Variants in NEURL1B observed in about 807,000 individuals in gnomAD.
NEURL1B encodes the protein neuralized E3 ubiquitin protein ligase 1B.
Under a neutral mutation model 37.4 loss-of-function variants are expected in NEURL1B, and 13 were observed. That is an observed-to-expected ratio of 0.35 (90% confidence interval 0.23 to 0.55). The LOEUF is 0.55. Ranked by LOEUF, NEURL1B falls within the 20% of genes least tolerant of loss-of-function variation. The pLI, the probability that NEURL1B is intolerant of heterozygous loss-of-function variation, is 0.89. For synonymous variants in NEURL1B, 432 were observed against 426.6 expected (o/e 1.01, Z -0.16); for missense variants, 790 against 879.2 (o/e 0.90, Z 1.28).
At chr5:172,654,111 T>G (rs1757719173) in intron 1 of NEURL1B, among the ~76,000 whole-genome samples, 1 of 152,252 alleles carries the variant, frequency 6.6e-6, no homozygotes, top group Admixed American at 6.5e-5. Context: ...TTTACACTGT[T>G]AACTTTTAGC....
In NEURL1B at chr5:172,675,569, A is replaced by T. The variant is rs1758217148; in HGVS notation, c.577+5239A>T. Among the ~76,000 whole-genome samples the T allele has an allele frequency of 6.6e-6, 1 of 151,900 alleles. No individual in the cohort carries two copies. Among genetic ancestry groups the T allele is most frequent in the African/African-American group, 2.4e-5 (1 of 41,278 alleles). On this transcript the variant is annotated intron_variant, in intron 2 of 4. Coordinates refer to ENST00000369800, the MANE Select transcript of NEURL1B (RefSeq NM_001142651.3). The surrounding 1 kb of genome is among the most constrained non-coding windows in gnomAD (Gnocchi z 4.7). ...GTGCAGGAAAATTACTTTTCGCTGA[A>T]TTTAGCAGTTCCTGGAGCCAGGAGA...
rs972390918 is a variant in NEURL1B at position 172,647,885 on chromosome 5, C to T, written c.31+6448C>T. 7.9e-5 allele frequency among the ~76,000 whole-genome samples: 12 copies of T among 152,242 alleles called. No homozygotes were observed. The highest frequency in any genetic ancestry group is 2.9e-4 in the African/African-American group (12 of 41,542). On this transcript the variant is annotated intron_variant, in intron 1 of 4. Coordinates refer to ENST00000369800, the MANE Select transcript of NEURL1B (RefSeq NM_001142651.3). The surrounding 1 kb of genome is among the most constrained non-coding windows in gnomAD (Gnocchi z 4.2). ...CCTGGTAAAAACTGGCCCATGCTGA[C>T]ACCCCCAGCCCCCAATGGCAAGCAT... is the stretch of plus-strand genomic sequence containing the variant.
rs184587986 is a variant in NEURL1B, at chr5:172,675,930, C to T, written c.577+5600C>T. On this transcript the variant is annotated intron_variant, in intron 2 of 4. Transcript: ENST00000369800. The surrounding 1 kb of genome is among the most constrained non-coding windows in gnomAD (Gnocchi z 4.7). ...TCTATGGAAGCCCTTTCTGGAGGTC[C>T]TCGAGTTCAGGCCAGGCCCTGTGCT... Among the ~76,000 whole-genome samples the T allele has an allele frequency of 2.0e-5, 3 of 152,108 alleles. No homozygotes were observed. Among genetic ancestry groups the T allele is most frequent in the Non-Finnish European group, 4.4e-5 (3 of 68,006 alleles).
At chr5:172,644,565 G>A (rs1250438310) in intron 1 of NEURL1B, among the ~76,000 whole-genome samples, 1 of 152,212 alleles carries the variant, frequency 6.6e-6, no homozygotes, top group Non-Finnish European at 1.5e-5. Context: ...TCAGAGAAAT[G>A]CCCTTTAAAC....
chr5:172,680,219 A>G (rs1354367598), intron 2 of NEURL1B, among the ~76,000 whole-genome samples: 1 of 151,760 alleles, frequency 6.6e-6, no homozygotes, highest in Non-Finnish European at 1.5e-5. Context: ...TACCACTATC[A>G]CTCTATCACT....
intron 2 of NEURL1B, among the ~76,000 whole-genome samples, chr5:172,677,036 C>A (rs1053066839): frequency 2.0e-5 from 3 of 151,432 alleles, no homozygotes; most frequent in Non-Finnish European, 2.9e-5. Context: ...GGTCTCCCAG[C>A]TGGTCAGTGG....
chr5:172,663,669 G>A (rs1265583458), intron 1 of NEURL1B, among the ~76,000 whole-genome samples: 1 of 151,632 alleles, frequency 6.6e-6, no homozygotes, highest in African/African-American at 2.4e-5. Context: ...AGAGTCCCTG[G>A]CCTCAATTCT....
chr5:172,684,684 C>T (rs1405639167), intron 3 of NEURL1B, among the ~76,000 whole-genome samples: 1 of 152,224 alleles, frequency 6.6e-6, no homozygotes, highest in Non-Finnish European at 1.5e-5. Flanking sequence ...TGCCTTCATT[C>T]ATGCCACAAA....
intron 2 of NEURL1B, among the ~76,000 whole-genome samples, chr5:172,680,359 G>A (rs1243888456): frequency 1.3e-5 from 2 of 152,084 alleles, no homozygotes; most frequent in Non-Finnish European, 2.9e-5. Context: ...CTCTTAATAA[G>A]GATGCTGCAC....
rs948187632 is a variant in NEURL1B at position 172,663,853 on chromosome 5, A to T, written c.32-5932A>T. 2.7e-5 allele frequency among the ~76,000 whole-genome samples: 4 copies of T among 149,404 alleles called. No homozygotes were observed. The Admixed American group carries it at 2.7e-4, about 10-fold the overall frequency. The stretch of plus-strand genomic sequence containing the variant: ...GTTTATTATTATTATTATTATTATT[A>T]TTATTTACCAGTGACAGGGTATCTG... On this transcript the variant is annotated intron_variant, in intron 1 of 4. Transcript: ENST00000369800.
At chr5:172,668,970 A>G (rs986547469) in intron 1 of NEURL1B, among the ~76,000 whole-genome samples, 2 of 152,240 alleles carry the variant, frequency 1.3e-5, no homozygotes, top group African/African-American at 4.8e-5. Flanking sequence ...AACGTTGCTC[A>G]TAAGCAATGC....
At position 172,686,891 on chromosome 5, in the gene NEURL1B, C is replaced by A; in HGVS notation, c.1634C>A (p.Pro545His). ...GCCTGCTGCCCCATCTGCCGGCGGC[C>A]CATCAAGGACGTCATTAAGATCTAC... Reference protein sequence around the residue: ...ARACCPICRRPIKDVIKIYRP With the variant: ...ARACCPICRRHIKDVIKIYRP Residue 545 changes from proline (P) to histidine (H), a missense_variant, in exon 5 of 5, where the codon CCC becomes CAC. Pro to His is a moderately conservative substitution (Grantham distance 77, BLOSUM62 -2). This residue lies in a region of NEURL1B where 115 missense variants were observed against 162.6 expected (regional missense o/e 0.71). Transcript: ENST00000369800. This position sits in a 1 kb window ranked among gnomAD's most constrained non-coding sequence, Gnocchi z 7.9. 6.5e-7 allele frequency: 1 copy of A among 1,550,158 alleles called. No individual in the cohort carries two copies.
At chr5:172,670,453 G>A in intron 2 of NEURL1B, 123 bp downstream of exon 2, 1 of 753,688 alleles carries the variant, frequency 1.3e-6, no homozygotes, top group Non-Finnish European at 1.8e-6. Flanking sequence ...GGCACTAAGC[G>A]CTTTACGCCT....
rs1341781261 is a variant in NEURL1B, at chr5:172,675,564, G to A, written c.577+5234G>A. On this transcript the variant is annotated intron_variant, in intron 2 of 4. Transcript: ENST00000369800. This position sits in a 1 kb window ranked among gnomAD's most constrained non-coding sequence, Gnocchi z 4.7. ...ACTGAGTGCAGGAAAATTACTTTTC[G>A]CTGAATTTAGCAGTTCCTGGAGCCA... Among the ~76,000 whole-genome samples the A allele has an allele frequency of 6.6e-6, 1 of 151,964 alleles. No homozygotes were observed. The highest frequency in any genetic ancestry group is 2.1e-4 in the South Asian group (1 of 4,832).
chr5:172,690,306 G>A lies in NEURL1B; in HGVS notation c.*3381G>A, dbSNP rs1047575574. 1.3e-5 allele frequency: 2 copies of A among 152,246 alleles called. No homozygotes were observed. The highest frequency in any genetic ancestry group is 4.8e-5 in the African/African-American group (2 of 41,462). The allele number at this position is 152,246 out of a possible 1,614,324, so 9.4% of individuals were successfully genotyped here. ...GCTGCTCCCCTCACGGCAGCACCAC[G>A]TTTCCAGTCCCTCGATGCCACTAAT... On this transcript the variant is annotated 3_prime_UTR_variant, in exon 5 of 5. Coordinates refer to ENST00000369800, the MANE Select transcript of NEURL1B (RefSeq NM_001142651.3).
rs1342884652 is a variant in NEURL1B, at chr5:172,641,265, C to A, written c.-142C>A. On this transcript the variant is annotated 5_prime_UTR_variant, in exon 1 of 5. Coordinates refer to ENST00000369800, the MANE Select transcript of NEURL1B (RefSeq NM_001142651.3). The surrounding 1 kb of genome is among the most constrained non-coding windows in gnomAD (Gnocchi z 6.4). ...CCGCCGCCGCCTCCCTCCCGGCTCC[C>A]GCCCCAGCTGCCGCCCGCCGGCTCG... 6 of 701,958 alleles carry A rather than the reference C, an allele frequency of 8.5e-6. No homozygotes were observed. Among genetic ancestry groups the A allele is most frequent in the African/African-American group, 7.5e-5 (4 of 53,004 alleles). 43.5% of individuals were successfully genotyped at this position (701,958 alleles called of 1,614,324 possible).
intron 2 of NEURL1B, among the ~76,000 whole-genome samples, chr5:172,679,685 C>T (rs1013648348): frequency 6.6e-6 from 1 of 152,220 alleles, no homozygotes; most frequent in Non-Finnish European, 1.5e-5. Context: ...GTACCCAGCA[C>T]AATGTCACAT....
At chr5:172,660,921 G>A (rs1354704227) in intron 1 of NEURL1B, among the ~76,000 whole-genome samples, 5 of 152,134 alleles carry the variant, frequency 3.3e-5, no homozygotes, top group Non-Finnish European at 5.9e-5. Flanking sequence ...GTGAGCCACC[G>A]TGCCCAGCCT....
Position 172,661,610 on chromosome 5 carries a change from T to A in NEURL1B, c.32-8175T>A, listed in dbSNP as rs17075056. 0.016 allele frequency among the ~76,000 whole-genome samples: 2,406 copies of A among 152,270 alleles called. 39 individuals are homozygous for A. The highest frequency in any genetic ancestry group is 0.024 in the Middle Eastern group (7 of 294). ...TAGCAGAGGCCCAGTGAAACTCCAG[T>A]GTAATCCTCATGTTCAAAGGAAGAG... On this transcript the variant is annotated intron_variant, in intron 1 of 4. Transcript: ENST00000369800. This position sits in a 1 kb window ranked among gnomAD's most constrained non-coding sequence, Gnocchi z 4.0.
Sources: allele counts gnomAD v4.1 joint callset (sites outside exome capture counted in the v4.1 genomes callset), GRCh38; gene constraint gnomAD v4.1.1; regional missense constraint gnomAD v4.1.1; non-coding constraint Gnocchi (gnomAD v3.1); transcripts MANE v1.5; gene names NCBI Gene and HGNC (gene_info 2026-07-23, HGNC 2026-07-21).